The following NRXN1 variants were observed in gnomAD, a reference collection of about 807,000 sequenced individuals.
NRXN1 encodes the protein neurexin 1.
A neutral mutation model predicts 150.9 loss-of-function variants in NRXN1; 39 were observed. That is an observed-to-expected ratio of 0.26 (90% CI 0.20 to 0.34). The LOEUF is 0.34. NRXN1 is among the 10% of genes least tolerant of loss of function. The probability of loss-of-function intolerance (pLI) is 1.00; values close to 1 mark genes in which losing one functional copy is unlikely to be tolerated. For synonymous variants in NRXN1, 924 were observed against 757.0 expected, an observed-to-expected ratio of 1.22 and a Z score of -3.62; for missense variants, 1,815 against 1,949.9, an observed-to-expected ratio of 0.93 and a Z score of 1.30.
At chr2:50,420,472 T>G (rs539621963) in intron 17 of NRXN1, among the ~76,000 whole-genome samples, 3 of 151,880 alleles carry the variant, frequency 2.0e-5, no homozygotes, top group Non-Finnish European at 4.4e-5. Context: ...GTGACATTTA[T>G]TGGCAACTAA....
chr2:50,679,237 T>A (rs184504093), intron 5 of NRXN1, among the ~76,000 whole-genome samples: 1 of 151,988 alleles, frequency 6.6e-6, no homozygotes, highest in South Asian at 2.1e-4. Context: ...GGTGATGGGA[T>A]AGGTTTTGAG....
intron 5 of NRXN1, among the ~76,000 whole-genome samples, chr2:50,678,772 G>A (rs997081495): frequency 3.3e-5 from 5 of 152,224 alleles, no homozygotes; most frequent in African/African-American, 1.2e-4. Flanking sequence ...TATGAGATGA[G>A]GATGATAAAT....
intron 19 of NRXN1, among the ~76,000 whole-genome samples, chr2:50,064,178 CACTAA>C (rs1484951753): frequency 6.6e-6 from 1 of 151,726 alleles, no homozygotes; most frequent in Non-Finnish European, 1.5e-5. Flanking sequence ...GTTTACCAGA[CACTAA>C]ACTAAATAGA....
At chr2:50,250,989 T>G (rs2066994092) in intron 17 of NRXN1, among the ~76,000 whole-genome samples, 1 of 143,866 alleles carries the variant, frequency 7.0e-6, no homozygotes, top group South Asian at 2.2e-4. Context: ...ATGTAATAAA[T>G]TTATTACACA....
chr2:50,372,523 G>C (rs528282554), intron 17 of NRXN1, among the ~76,000 whole-genome samples: 1 of 151,988 alleles, frequency 6.6e-6, no homozygotes, highest in South Asian at 2.1e-4. Context: ...TTATTTAGAT[G>C]AATAATCCAG....
chr2:51,014,646 G>C (rs1421939012), intron 2 of NRXN1, among the ~76,000 whole-genome samples: 2 of 152,042 alleles, frequency 1.3e-5, no homozygotes, highest in Non-Finnish European at 2.9e-5. Context: ...GGAATTACAA[G>C]TGAAGAGTCT....
intron 21 of NRXN1, among the ~76,000 whole-genome samples, chr2:50,027,048 A>T (rs1226300171): frequency 6.7e-6 from 1 of 150,330 alleles, no homozygotes; most frequent in Non-Finnish European, 1.5e-5. Context: ...CACCCAGCTA[A>T]TTTTTTTGCA....
rs77766074 is a variant in NRXN1 at position 50,531,633 on chromosome 2, C to T, written c.2144-203G>A. ...GAGGACTTCCCTTGTGAGATATTTGCTAAAGCCCAGAAACAGAGATATCAG... is the reference window on the plus strand; with the variant it reads ...GAGGACTTCCCTTGTGAGATATTTGTTAAAGCCCAGAAACAGAGATATCAG... On this transcript the variant is annotated intron_variant, in intron 10 of 22. Coordinates refer to ENST00000401669, the MANE Select transcript of NRXN1 (RefSeq NM_001330078.2). Among the ~76,000 whole-genome samples the T allele has an allele frequency of 1.4e-3, 218 of 152,194 alleles. 4 individuals are homozygous for T. The highest frequency in any genetic ancestry group is 0.012 in the East Asian group (63 of 5,164).
intron 17 of NRXN1, among the ~76,000 whole-genome samples, chr2:50,303,481 C>A (rs2074348424): frequency 6.6e-6 from 1 of 152,150 alleles, no homozygotes; most frequent in Non-Finnish European, 1.5e-5. Flanking sequence ...TTACAGCCAA[C>A]TTAAGTCATT....
At chr2:50,436,685 T>C (rs1375070890) in intron 17 of NRXN1, among the ~76,000 whole-genome samples, 1 of 152,222 alleles carries the variant, frequency 6.6e-6, no homozygotes, top group Admixed American at 6.5e-5. Context: ...CAACATTTTG[T>C]ACTTCACCTG....
At chr2:50,285,295 T>C (rs1348706761) in intron 17 of NRXN1, among the ~76,000 whole-genome samples, 1 of 152,224 alleles carries the variant, frequency 6.6e-6, no homozygotes, top group Non-Finnish European at 1.5e-5. Context: ...TTCATTCATT[T>C]TCCAATCCAC....
chr2:50,807,042 C>A (rs1274741526), intron 5 of NRXN1, among the ~76,000 whole-genome samples: 2 of 152,080 alleles, frequency 1.3e-5, no homozygotes, highest in Non-Finnish European at 2.9e-5. Flanking sequence ...ACACGCCAAT[C>A]ATCCTTGAAA....
intron 18 of NRXN1, among the ~76,000 whole-genome samples, chr2:50,170,184 T>C (rs2059943179): frequency 6.6e-6 from 1 of 151,762 alleles, no homozygotes; most frequent in Non-Finnish European, 1.5e-5. Flanking sequence ...CTCAAACTGG[T>C]TGAGCACCCT....
At chr2:50,752,441 G>T (rs982679860) in intron 5 of NRXN1, among the ~76,000 whole-genome samples, 1 of 151,926 alleles carries the variant, frequency 6.6e-6, no homozygotes, top group Non-Finnish European at 1.5e-5. Flanking sequence ...CAAGTACCAA[G>T]CTAATGTTCA....
intron 5 of NRXN1, among the ~76,000 whole-genome samples, chr2:50,736,034 T>TA (rs1559187200): frequency 6.6e-6 from 1 of 152,126 alleles, no homozygotes; most frequent in African/African-American, 2.4e-5. Context: ...AATTTTAAAA[T>TA]AAAAACAAAC....
rs144223970 is a variant in NRXN1, at chr2:51,009,441, T to C, written c.772+18061A>G. Reference sequence around the variant, plus strand: ...TATTTTCAAAGTATAGGCATTCTAGTGTAGCATAATATATCGGGACAAAAG... The same window carrying C: ...TATTTTCAAAGTATAGGCATTCTAGCGTAGCATAATATATCGGGACAAAAG... On this transcript the variant is annotated intron_variant, in intron 2 of 22. Transcript: ENST00000401669. 1.2e-3 allele frequency among the ~76,000 whole-genome samples: 178 copies of C among 152,066 alleles called. 1 individual carries two copies. Among genetic ancestry groups the C allele is most frequent in the African/African-American group, 4.2e-3 (175 of 41,532 alleles).
chr2:50,871,247 A>T (rs977825054), intron 5 of NRXN1, among the ~76,000 whole-genome samples: 3 of 151,806 alleles, frequency 2.0e-5, no homozygotes, highest in Admixed American at 2.0e-4. Flanking sequence ...ATTCTCTATT[A>T]TCTTTATAAT....
chr2:50,111,489 A>G (rs1293384132), intron 18 of NRXN1, among the ~76,000 whole-genome samples: 1 of 152,084 alleles, frequency 6.6e-6, no homozygotes, highest in Non-Finnish European at 1.5e-5. Context: ...AAATACAAAA[A>G]TTAGCAGGGC....
intron 2 of NRXN1, among the ~76,000 whole-genome samples, chr2:51,022,430 G>A (rs939820254): frequency 1.3e-5 from 2 of 152,038 alleles, no homozygotes; most frequent in African/African-American, 4.8e-5. Context: ...TCTCAGAATA[G>A]GAAAACAAAA....
Sources: gnomAD v4.1 joint callset for allele counts (sites outside exome capture counted in the v4.1 genomes callset) on GRCh38, gnomAD v4.1.1 for gene constraint, MANE v1.5 for transcripts, NCBI Gene and HGNC (gene_info 2026-07-23, HGNC 2026-07-21) for gene names.